Variants in PKP4 observed in about 807,000 individuals in gnomAD.
PKP4 encodes the protein plakophilin-4.
Under a neutral mutation model 145.1 loss-of-function variants are expected in PKP4, and 90 were observed. That is an observed-to-expected ratio of 0.62 (90% CI 0.52 to 0.74). The LOEUF is 0.74. PKP4 is among the 30% of genes least tolerant of loss of function. The probability of loss-of-function intolerance (pLI) is 0.00; values close to 1 mark genes in which losing one functional copy is unlikely to be tolerated. For synonymous variants in PKP4, 563 were observed against 577.2 expected, an observed-to-expected ratio of 0.98 and a Z score of 0.35; for missense variants, 1,340 against 1,482.7, an observed-to-expected ratio of 0.90 and a Z score of 1.58.
chr2:158,508,752 G>A (rs573147008), intron 1 of PKP4, among the ~76,000 whole-genome samples: 16 of 152,240 alleles, frequency 1.1e-4, no homozygotes, highest in African/African-American at 3.1e-4. Flanking sequence ...ATTCTTCTGC[G>A]TAAACAGATG....
chr2:158,638,637 G>A (rs1217174215), intron 9 of PKP4, among the ~76,000 whole-genome samples: 1 of 152,196 alleles, frequency 6.6e-6, no homozygotes, highest in Non-Finnish European at 1.5e-5. Context: ...TGGATTGGGG[G>A]TGCAGGTGGG....
intron 2 of PKP4, among the ~76,000 whole-genome samples, chr2:158,555,081 T>C (rs1336404543): frequency 6.6e-6 from 1 of 152,222 alleles, no homozygotes; most frequent in Non-Finnish European, 1.5e-5. Context: ...AAATGATATT[T>C]TCTAATTGTT....
intron 1 of PKP4, among the ~76,000 whole-genome samples, chr2:158,484,998 A>C (rs957684533): frequency 9.9e-5 from 15 of 152,188 alleles, no homozygotes; most frequent in African/African-American, 3.4e-4. Flanking sequence ...AGTTCTCCCC[A>C]AGTGCCAGAT....
intron 4 of PKP4, among the ~76,000 whole-genome samples, chr2:158,609,971 T>G (rs977446293): frequency 1.3e-5 from 2 of 152,202 alleles, no homozygotes; most frequent in Non-Finnish European, 2.9e-5. Context: ...CTGCCAAACA[T>G]TTTTATTTTC....
At chr2:158,534,527 T>C (rs2043863040) in intron 2 of PKP4, among the ~76,000 whole-genome samples, 1 of 152,218 alleles carries the variant, frequency 6.6e-6, no homozygotes. Flanking sequence ...AAAAAAGGAC[T>C]CTTCGATAGC....
At chr2:158,506,595 G>C (rs912738352) in intron 1 of PKP4, among the ~76,000 whole-genome samples, 3 of 152,194 alleles carry the variant, frequency 2.0e-5, no homozygotes, top group African/African-American at 7.2e-5. Context: ...CTTCTTTGGT[G>C]ATAGTTTCTA....
intron 3 of PKP4, among the ~76,000 whole-genome samples, chr2:158,599,161 C>A (rs969573115): frequency 2.6e-5 from 4 of 152,032 alleles, no homozygotes; most frequent in African/African-American, 9.7e-5. Context: ...TGAAAAAAAT[C>A]GCAGTAGTAG....
chr2:158,601,777 T>A (rs181723788), intron 3 of PKP4, among the ~76,000 whole-genome samples: 303 of 152,206 alleles, frequency 2.0e-3, no homozygotes, highest in Admixed American at 4.1e-3. Flanking sequence ...AAAATTGAAG[T>A]TCAGGGAGTT....
At chr2:158,588,651 A>C (rs2049001898) in intron 3 of PKP4, among the ~76,000 whole-genome samples, 1 of 152,204 alleles carries the variant, frequency 6.6e-6, no homozygotes, top group Non-Finnish European at 1.5e-5. Flanking sequence ...AAGAATATGA[A>C]CATTAGTACA....
At chr2:158,467,392 A>T (rs923588079) in intron 1 of PKP4, among the ~76,000 whole-genome samples, 1 of 151,972 alleles carries the variant, frequency 6.6e-6, no homozygotes, top group Non-Finnish European at 1.5e-5. Flanking sequence ...TTACAACTAT[A>T]GTTTTGTCAT....
intron 12 of PKP4, chr2:158,660,698 T>C (rs1190190906): frequency 6.6e-6 from 1 of 152,304 alleles, no homozygotes; most frequent in East Asian, 1.9e-4. Flanking sequence ...TCTGGGTGTT[T>C]TATAATTGAA....
At chr2:158,565,558 T>C (rs1180099214) in intron 2 of PKP4, among the ~76,000 whole-genome samples, 2 of 149,526 alleles carry the variant, frequency 1.3e-5, no homozygotes, top group Non-Finnish European at 3.0e-5. Flanking sequence ...TAACGAAAAA[T>C]AAAATTGCTT....
intron 1 of PKP4, among the ~76,000 whole-genome samples, chr2:158,477,777 C>G (rs963325392): frequency 3.3e-5 from 5 of 152,084 alleles, no homozygotes; most frequent in African/African-American, 1.2e-4. Context: ...CTCAGGAGAT[C>G]GAGGCTGCAG....
rs187204142 is a variant in PKP4 at position 158,584,376 on chromosome 2, C to G, written c.245+6993C>G. ...CTTAGTAGGTTAGGGACCAGTGCAG[C>G]CTTCCAATGGCAAGCGCATTCTAGT... On this transcript the variant is annotated intron_variant, in intron 3 of 21. Transcript: ENST00000389759. Among the ~76,000 whole-genome samples the G allele has an allele frequency of 1.1e-3, 172 of 152,320 alleles. 1 individual carries two copies. Among genetic ancestry groups the G allele is most frequent in the Non-Finnish European group, 1.9e-3 (128 of 68,028 alleles).
chr2:158,665,335 T>G (rs1029539513), intron 15 of PKP4, among the ~76,000 whole-genome samples: 2 of 152,194 alleles, frequency 1.3e-5, no homozygotes, highest in Non-Finnish European at 2.9e-5. Context: ...CCCATAGATT[T>G]CATGTGATTT....
At chr2:158,663,609 A>G (rs772219899) in intron 15 of PKP4, among the ~76,000 whole-genome samples, 164 bp downstream of exon 15, 1 of 152,228 alleles carries the variant, frequency 6.6e-6, no homozygotes, top group Non-Finnish European at 1.5e-5. Flanking sequence ...GGAGACAAGC[A>G]GTTGCTCTGG....
At chr2:158,553,058 A>G (rs1574447886) in intron 2 of PKP4, among the ~76,000 whole-genome samples, 2 of 152,210 alleles carry the variant, frequency 1.3e-5, no homozygotes, top group African/African-American at 4.8e-5. Flanking sequence ...AAGCATGTAA[A>G]TGATGGACTT....
At chr2:158,677,037 G>A in intron 20 of PKP4, 170 bp downstream of exon 20, 1 of 763,966 alleles carries the variant, frequency 1.3e-6, no homozygotes, top group Admixed American at 2.0e-5. Flanking sequence ...TTTTCTGCTT[G>A]TTTAAAGTAA....
rs147809797 is a variant in PKP4, at chr2:158,493,216, C to G, written c.-6+35998C>G. The stretch of plus-strand genomic sequence containing the variant: ...ATAGATGAGAATCTCTGCCTTATAC[C>G]CCTTTGCTGTCTTCCCGTTTTCCTA... On this transcript the variant is annotated intron_variant, in intron 1 of 21. Coordinates refer to ENST00000389759, the MANE Select transcript of PKP4 (RefSeq NM_003628.6). Among the ~76,000 whole-genome samples the G allele has an allele frequency of 4.6e-3, 691 of 151,864 alleles. 2 individuals are homozygous for G. Among genetic ancestry groups the G allele is most frequent in the Middle Eastern group, 0.031 (9 of 294 alleles).
Sources: allele counts gnomAD v4.1 joint callset (sites outside exome capture counted in the v4.1 genomes callset), GRCh38; gene constraint gnomAD v4.1.1; transcripts MANE v1.5; gene names NCBI Gene and HGNC (gene_info 2026-07-23, HGNC 2026-07-21).